The following PRR29 variants were observed in gnomAD, a reference collection of about 807,000 sequenced individuals.
PRR29 encodes proline-rich protein 29.
PRR29 carries 20 observed loss-of-function variants against 25.1 expected under a neutral mutation model. The observed-to-expected ratio is 0.80, with a 90% CI of 0.56 to 1.16. PRR29 has a LOEUF of 1.16. Among genes scored for constraint, PRR29 ranks in the 50% most tolerant of loss-of-function variants. PRR29 has a pLI of 0.00. For missense variants in PRR29, 238 were observed against 246.6 expected (o/e 0.97, Z 0.23); for synonymous variants, 108 against 102.6 (o/e 1.05, Z -0.32).
intron 3 of PRR29, 78 bp downstream of exon 3, chr17:63,999,152 G>A (rs1910384003): frequency 1.8e-6 from 2 of 1,134,842 alleles, no homozygotes; most frequent in East Asian, 2.6e-5. Context: ...CTGTTCAGGG[G>A]GGAAAAGAAC....
At position 63,999,025 on chromosome 17, in the gene PRR29, G is replaced by A. The variant is rs996747096; in HGVS notation, c.194G>A (p.Arg65His). ...CAGATGCACCAGCTGCTGCTGAGTC[G>A]CCTGGTGGCTGGAGCGCTGCAGCCC... ...NAQMHQLLLS[R>H]LVAGALQPRP... The change falls in exon 3 of 6, where the codon CGC becomes CAC. Residue 65 changes from arginine to histidine, a missense_variant. Transcript: ENST00000412177. 2.0e-6 allele frequency: 3 copies of A among 1,535,924 alleles called. No individual in the cohort carries two copies. The highest frequency in any genetic ancestry group is 2.7e-5 in the African/African-American group (2 of 73,026).
Position 64,002,243 on chromosome 17 carries a change from C to T in PRR29, c.*482C>T, listed in dbSNP as rs2143156351. ...GTCGGGGAGAGACTTTGCTGGGCAG[C>T]GCCCCTGAGCAGAGTCAGTTCGCTG... On this transcript the variant is annotated 3_prime_UTR_variant, in exon 6 of 6. Coordinates refer to ENST00000412177, the MANE Select transcript of PRR29 (RefSeq NM_001164257.2). 5.5e-6 allele frequency: 3 copies of T among 546,920 alleles called. No individual in the cohort carries two copies. Among genetic ancestry groups the T allele is most frequent in the East Asian group, 6.3e-5 (2 of 31,770 alleles). 33.9% of individuals were successfully genotyped at this position (546,920 alleles called of 1,614,324 possible). A position where few individuals can be genotyped will look rare whatever the true frequency, so the allele number is the denominator to read the frequency against.
rs1282437282 is a variant in PRR29 at position 64,001,787 on chromosome 17, C to T, written c.*26C>T. ...GGACAGACCCCGGCCCTGGGAACTG[C>T]ACCAGCTTCCTGCTCTGGATACAGC... On this transcript the variant is annotated 3_prime_UTR_variant, in exon 6 of 6. Transcript: ENST00000412177. The T allele has an allele frequency of 1.3e-6, 2 of 1,537,134 alleles. No homozygotes were observed. Among genetic ancestry groups the T allele is most frequent in the Admixed American group, 3.9e-5 (2 of 50,984 alleles).
chr17:64,002,870 C>G lies in PRR29; in HGVS notation c.*1109C>G. Reference sequence around the variant, plus strand: ...GCAGGACAGATGTCACGAACAGGGACAGCAACACCGACACCACCGTGACTA... The same window carrying G: ...GCAGGACAGATGTCACGAACAGGGAGAGCAACACCGACACCACCGTGACTA... On this transcript the variant is annotated 3_prime_UTR_variant, in exon 6 of 6. Coordinates refer to ENST00000412177, the MANE Select transcript of PRR29 (RefSeq NM_001164257.2). 1.9e-6 allele frequency: 3 copies of G among 1,613,954 alleles called. No homozygotes were observed. The highest frequency in any genetic ancestry group is 2.5e-6 in the Non-Finnish European group (3 of 1,179,972).
In PRR29 at chr17:63,998,972, G is replaced by A. The variant is rs1910357682; in HGVS notation, c.141G>A (p.Leu47=). 1.3e-6 allele frequency: 2 copies of A among 1,536,312 alleles called. No homozygotes were observed. Among genetic ancestry groups the A allele is most frequent in the Non-Finnish European group, 1.7e-6 (2 of 1,146,800 alleles). ...PPQPGRVKED[L]LELMMLQNAQ... ...TTGCTGAACCCCGCTTCCTAGACCT[G>A]CTGGAACTGATGATGCTGCAGAACG... Residue 47 remains leucine (L), a synonymous_variant, in exon 3 of 6, where the codon CTG becomes CTA. Transcript: ENST00000412177.
chr17:63,998,627 T>C, intron 1 of PRR29, 80 bp from the exon 2 acceptor site: 1 of 998,674 alleles, frequency 1.0e-6, no homozygotes, highest in Non-Finnish European at 1.4e-6. Flanking sequence ...GGGAGGCCAC[T>C]GGCCGGGGGG....
In PRR29 at chr17:64,002,267, T is replaced by C; in HGVS notation, c.*506T>C. The C allele has an allele frequency of 2.0e-6, 1 of 507,908 alleles. No individual in the cohort carries two copies. 31.5% of individuals were successfully genotyped at this position (507,908 alleles called of 1,614,324 possible). A position where few individuals can be genotyped will look rare whatever the true frequency, so the allele number is the denominator to read the frequency against. On this transcript the variant is annotated 3_prime_UTR_variant, in exon 6 of 6. Coordinates refer to ENST00000412177, the MANE Select transcript of PRR29 (RefSeq NM_001164257.2). Reference sequence around the variant, plus strand: ...GCGCCCCTGAGCAGAGTCAGTTCGCTGGGCCCCCCACCCCTCATCCCAGGA... The same window carrying C: ...GCGCCCCTGAGCAGAGTCAGTTCGCCGGGCCCCCCACCCCTCATCCCAGGA...
rs549880339 is a variant in PRR29 at position 64,002,433 on chromosome 17, T to G, written c.*672T>G. 255 of 429,650 alleles carry G rather than the reference T, an allele frequency of 5.9e-4. No individual in the cohort carries two copies. Among genetic ancestry groups the G allele is most frequent in the African/African-American group, 4.8e-3 (244 of 50,818 alleles). 26.6% of individuals were successfully genotyped at this position (429,650 alleles called of 1,614,324 possible). On this transcript the variant is annotated 3_prime_UTR_variant, in exon 6 of 6. Coordinates refer to ENST00000412177, the MANE Select transcript of PRR29 (RefSeq NM_001164257.2). The stretch of plus-strand genomic sequence containing the variant: ...GTGTGTTTCCCCCACCCTCCCTCAG[T>G]AGCAATGAGCTACTCGGGCCAGATG...
chr17:63,999,118 G>C (rs1818759503), intron 3 of PRR29, 44 bp downstream of exon 3: 1 of 1,429,778 alleles, frequency 7.0e-7, no homozygotes, highest in South Asian at 1.2e-5. Flanking sequence ...TGTGGGTCCA[G>C]GGATGCGGAT....
intron 5 of PRR29, 30 bp from the exon 6 acceptor site, chr17:64,001,703 G>A (rs1441929700): frequency 6.5e-7 from 1 of 1,535,868 alleles, no homozygotes; most frequent in East Asian, 2.4e-5. Context: ...GAGACAGGAG[G>A]GAGTCAAGAT....
rs2143164673 is a variant in PRR29 at position 64,002,978 on chromosome 17, G to A, written c.*1217G>A. The A allele has an allele frequency of 6.5e-7, 1 of 1,545,486 alleles. No homozygotes were observed. The highest frequency in any genetic ancestry group is 1.8e-5 in the Admixed American group (1 of 55,710). On this transcript the variant is annotated 3_prime_UTR_variant, in exon 6 of 6. Transcript: ENST00000412177. Reference sequence around the variant, plus strand: ...GACGTCCTGTGATCCCAGTTACCAGGGACCAAAAGGGAGTGGAAGTCCACC... The same window carrying A: ...GACGTCCTGTGATCCCAGTTACCAGAGACCAAAAGGGAGTGGAAGTCCACC...
rs759676274 is a variant in PRR29, at chr17:63,998,700, C to T, written c.61-7C>T. 1.3e-6 allele frequency: 2 copies of T among 1,511,790 alleles called. No individual in the cohort carries two copies. The highest frequency in any genetic ancestry group is 4.0e-5 in the Admixed American group (2 of 50,324). The allele number at this position is 1,511,790 out of a possible 1,614,324, so 93.6% of individuals were successfully genotyped here. On this transcript the variant is annotated splice_polypyrimidine_tract_variant and splice_region_variant and intron_variant, in intron 1 of 5. Transcript: ENST00000412177. ...CCCCACCTGGCTGACTCCGCGCACACCCCCAGCCCTGGGTCACCTTCCTGC... is the reference window on the plus strand; with the variant it reads ...CCCCACCTGGCTGACTCCGCGCACATCCCCAGCCCTGGGTCACCTTCCTGC...
chr17:63,998,593 G>T, intron 1 of PRR29, 114 bp from the exon 2 acceptor site: 3 of 1,067,044 alleles, frequency 2.8e-6, no homozygotes, highest in Non-Finnish European at 2.7e-6. Context: ...GCGGGGAGGA[G>T]AGAACCTGGC....
chr17:64,001,313 A>C lies in PRR29; in HGVS notation c.470+3A>C. 2.0e-6 allele frequency: 3 copies of C among 1,533,794 alleles called. No individual in the cohort carries two copies. Among genetic ancestry groups the C allele is most frequent in the Non-Finnish European group, 2.6e-6 (3 of 1,144,138 alleles). Reference sequence around the variant, plus strand: ...CCTGCCTCCAGGGAAAGGGAGGTGTAAGTGAGGCTGGGTGCTGCCAGGGTT... The same window carrying C: ...CCTGCCTCCAGGGAAAGGGAGGTGTCAGTGAGGCTGGGTGCTGCCAGGGTT... On this transcript the variant is annotated splice_donor_region_variant and intron_variant, in intron 4 of 5. Transcript: ENST00000412177.
rs191052438 is a variant in PRR29 at position 64,002,542 on chromosome 17, G to C, written c.*781G>C. The C allele has an allele frequency of 1.8e-6, 1 of 568,744 alleles. No homozygotes were observed. The highest frequency in any genetic ancestry group is 3.1e-6 in the Non-Finnish European group (1 of 322,400). 35.2% of individuals were successfully genotyped at this position (568,744 alleles called of 1,614,324 possible). ...CTAGGGAGAGGGGTCCCCCATGGTG[G>C]CTCCCCTCCCTGGCCATTGTTATCC... On this transcript the variant is annotated 3_prime_UTR_variant, in exon 6 of 6. Coordinates refer to ENST00000412177, the MANE Select transcript of PRR29 (RefSeq NM_001164257.2).
In PRR29 at chr17:64,003,080, TG is replaced by T. The variant is rs1910913405; in HGVS notation, c.*1321del. On this transcript the variant is annotated 3_prime_UTR_variant, in exon 6 of 6. Coordinates refer to ENST00000412177, the MANE Select transcript of PRR29 (RefSeq NM_001164257.2). ...CCCAGTTGCAGAGATGAGTGGTGAATGGTGTCTGCATTAAAATTATTATCTG... is the reference window on the plus strand; with the variant it reads ...CCCAGTTGCAGAGATGAGTGGTGAATGTGTCTGCATTAAAATTATTATCTG... The T allele has an allele frequency of 3.2e-6, 2 of 616,842 alleles. No individual in the cohort carries two copies. Among genetic ancestry groups the T allele is most frequent in the South Asian group, 4.2e-5 (2 of 47,882 alleles). 38.2% of individuals were successfully genotyped at this position (616,842 alleles called of 1,614,324 possible). A position where few individuals can be genotyped will look rare whatever the true frequency, so the allele number is the denominator to read the frequency against.
chr17:63,998,765 C>T lies in PRR29; in HGVS notation c.119C>T (p.Pro40Leu). Residue 40 changes from proline (P) to leucine (L), a missense_variant, in exon 2 of 6, where the codon CCA becomes CTA. Transcript: ENST00000412177. The stretch of plus-strand genomic sequence containing the variant: ...GCCGTCCCACCTGCGCCCCCGCAGC[C>T]AGGCCGCGTGAAGGAAGGTGAGACT... ...SWAVPPAPPQ[P>L]GRVKEDLLEL... 3 of 1,529,926 alleles carry T rather than the reference C, an allele frequency of 2.0e-6. No individual in the cohort carries two copies. The highest frequency in any genetic ancestry group is 2.6e-6 in the Non-Finnish European group (3 of 1,143,070). The allele number at this position is 1,529,926 out of a possible 1,614,324, so 94.8% of individuals were successfully genotyped here.
chr17:64,003,538 TG>T lies in PRR29; in HGVS notation c.*1780del. 2 of 991,024 alleles carry T rather than the reference TG, an allele frequency of 2.0e-6. No individual in the cohort carries two copies. Among genetic ancestry groups the T allele is most frequent in the Non-Finnish European group, 3.1e-6 (2 of 649,544 alleles). The allele number at this position is 991,024 out of a possible 1,614,324, so 61.4% of individuals were successfully genotyped here. A position where few individuals can be genotyped will look rare whatever the true frequency, so the allele number is the denominator to read the frequency against. On this transcript the variant is annotated 3_prime_UTR_variant, in exon 6 of 6. Coordinates refer to ENST00000412177, the MANE Select transcript of PRR29 (RefSeq NM_001164257.2). ...AAGAGGGAAGCCTCAGGATGAAGGG[TG>T]GGCTCCTGGGTGTTTGCTTCCCAAG...
chr17:63,998,477 TG>T, intron 1 of PRR29, 53 bp downstream of exon 1: 1 of 1,436,352 alleles, frequency 7.0e-7, no homozygotes, highest in Non-Finnish European at 9.1e-7. Flanking sequence ...GACGGCAGAG[TG>T]GGGAGCTGTC....
Sources: allele counts gnomAD v4.1 joint callset, GRCh38; gene constraint gnomAD v4.1.1; transcripts MANE v1.5; gene names NCBI Gene and HGNC (gene_info 2026-07-23, HGNC 2026-07-21).